Variants in CA13 observed in about 807,000 individuals in gnomAD.
CA13 encodes the protein carbonic anhydrase 13.
In CA13, 21 loss-of-function variants were observed where a neutral mutation model predicts 31.5. That is an observed-to-expected ratio of 0.67 (90% CI 0.47 to 0.96). CA13 has a LOEUF of 0.96. CA13 is among the 40% of genes least tolerant of loss of function. The pLI is 0.00. For missense variants in CA13, 315 were observed against 318.9 expected (o/e 0.99, Z 0.09); for synonymous variants, 117 against 111.4 (o/e 1.05, Z -0.32).
chr8:85,275,153 A>C (rs1006723499), intron 6 of CA13, among the ~76,000 whole-genome samples: 1 of 152,086 alleles, frequency 6.6e-6, no homozygotes, highest in African/African-American at 2.4e-5. Context: ...CTTTTTTGAC[A>C]AGACATAATT....
chr8:85,267,874 C>T, intron 4 of CA13, 28 bp from the exon 5 acceptor site: 1 of 1,415,830 alleles, frequency 7.1e-7, no homozygotes, highest in Non-Finnish European at 9.9e-7. Context: ...CTACAGTAAC[C>T]ATTTCTTTTG....
chr8:85,273,100 G>A (rs373207743), intron 6 of CA13, among the ~76,000 whole-genome samples: 1 of 152,228 alleles, frequency 6.6e-6, no homozygotes, highest in Non-Finnish European at 1.5e-5. Flanking sequence ...TTACAGGCAT[G>A]AGCCACTGTG....
chr8:85,254,795 GTTTT>G (rs1260444655), intron 2 of CA13, among the ~76,000 whole-genome samples: 2 of 90,652 alleles, frequency 2.2e-5, no homozygotes, highest in African/African-American at 8.2e-5. Flanking sequence ...TTTTGGTTTT[GTTTT>G]TTTTTTATTT....
chr8:85,256,448 T>C (rs1807297838), intron 2 of CA13, among the ~76,000 whole-genome samples: 1 of 152,246 alleles, frequency 6.6e-6, no homozygotes, highest in African/African-American at 2.4e-5. Context: ...GATCGTTCTT[T>C]AATTTTCATC....
At chr8:85,277,706 C>G (rs1364071001) in intron 6 of CA13, among the ~76,000 whole-genome samples, 4 of 152,142 alleles carry the variant, frequency 2.6e-5, no homozygotes, top group African/African-American at 9.7e-5. Flanking sequence ...TTAATGAGCG[C>G]CTGGGTGCAG....
intron 6 of CA13, among the ~76,000 whole-genome samples, chr8:85,273,073 CT>C (rs1371084284): frequency 1.3e-5 from 2 of 152,234 alleles, no homozygotes; most frequent in African/African-American, 4.8e-5. Context: ...CCGCCTTGGC[CT>C]CCCAAAATCC....
Position 85,250,908 on chromosome 8 carries a change from T to C in CA13, c.206T>C (p.Val69Ala). 1.2e-6 allele frequency: 2 copies of C among 1,614,082 alleles called. No individual in the cohort carries two copies. Among genetic ancestry groups the C allele is most frequent in the Non-Finnish European group, 1.7e-6 (2 of 1,180,016 alleles). ...AGCAACAGCGGCCATTCCTTCAATGTTGACTTTGATGACACAGAGAACAAA... is the reference window on the plus strand; with the variant it reads ...AGCAACAGCGGCCATTCCTTCAATGCTGACTTTGATGACACAGAGAACAAA... ...IISNSGHSFN[V>A]DFDDTENKSV... Residue 69 changes from valine to alanine, a missense_variant, in exon 2 of 7, where the codon GTT becomes GCT. Coordinates refer to ENST00000321764, the MANE Select transcript of CA13 (RefSeq NM_198584.3).
At chr8:85,262,520 G>A (rs1001052191) in intron 3 of CA13, among the ~76,000 whole-genome samples, 1 of 152,106 alleles carries the variant, frequency 6.6e-6, no homozygotes, top group African/African-American at 2.4e-5. Context: ...GGAGAATGAA[G>A]GGGAGAGTTG....
At chr8:85,274,575 T>C (rs1807574006) in intron 6 of CA13, among the ~76,000 whole-genome samples, 1 of 152,244 alleles carries the variant, frequency 6.6e-6, no homozygotes, top group African/African-American at 2.4e-5. Flanking sequence ...ATTAGCGATA[T>C]TAAACTTACC....
chr8:85,254,565 A>G (rs1359635526), intron 2 of CA13, among the ~76,000 whole-genome samples: 2 of 152,076 alleles, frequency 1.3e-5, no homozygotes, highest in Non-Finnish European at 2.9e-5. Flanking sequence ...TTAAATGAAG[A>G]TCCTTTTCCT....
intron 6 of CA13, among the ~76,000 whole-genome samples, chr8:85,272,928 C>T (rs554469356): frequency 1.4e-4 from 22 of 152,272 alleles, no homozygotes; most frequent in Middle Eastern, 3.4e-3. Flanking sequence ...AGAGATTCTC[C>T]TGCCTCAGCC....
In CA13 at chr8:85,251,218, G is replaced by A. The variant is rs556026501; in HGVS notation, c.235+281G>A. On this transcript the variant is annotated intron_variant, in intron 2 of 6. Transcript: ENST00000321764. ...AGGGTTTCACCATGTTGGCCAGGAT[G>A]GTCTTGATCTCCTGACCTCGTGATC... Among the ~76,000 whole-genome samples the A allele has an allele frequency of 2.6e-5, 4 of 152,100 alleles. No individual in the cohort carries two copies. In the South Asian group the frequency reaches 8.3e-4, roughly 32 times the overall value.
intron 4 of CA13, 148 bp from the exon 5 acceptor site, chr8:85,267,754 A>T (rs1471411593): frequency 2.0e-6 from 1 of 506,306 alleles, no homozygotes; most frequent in African/African-American, 2.0e-5. Context: ...TGGCAGGTAA[A>T]AGAGAAGCTT....
rs759123006 is a variant in CA13 at position 85,245,515 on chromosome 8, A to T, written c.-314A>T. The T allele has an allele frequency of 2.3e-5, 9 of 386,182 alleles. No individual in the cohort carries two copies. The highest frequency in any genetic ancestry group is 3.8e-5 in the Non-Finnish European group (8 of 213,270). 23.9% of individuals were successfully genotyped at this position (386,182 alleles called of 1,614,324 possible). A position where few individuals can be genotyped will look rare whatever the true frequency, so the allele number is the denominator to read the frequency against. On this transcript the variant is annotated 5_prime_UTR_variant, in exon 1 of 7. Coordinates refer to ENST00000321764, the MANE Select transcript of CA13 (RefSeq NM_198584.3). ...TTCCTCTCCCGAGTGACGACTCCTCAGAAGGCAGGAGATCCCCCCCGGAAA... is the reference window on the plus strand; with the variant it reads ...TTCCTCTCCCGAGTGACGACTCCTCTGAAGGCAGGAGATCCCCCCCGGAAA...
intron 2 of CA13, among the ~76,000 whole-genome samples, chr8:85,257,578 G>C (rs1367863963): frequency 2.0e-5 from 3 of 151,282 alleles, no homozygotes; most frequent in South Asian, 2.1e-4. Flanking sequence ...AATACAACTA[G>C]CTGGACGTAG....
rs369594146 is a variant in CA13 at position 85,245,823 on chromosome 8, G to A, written c.-6G>A. 9.0e-5 allele frequency: 146 copies of A among 1,613,984 alleles called. 1 individual carries two copies. The highest frequency in any genetic ancestry group is 1.2e-4 in the Non-Finnish European group (139 of 1,180,000). On this transcript the variant is annotated 5_prime_UTR_variant, in exon 1 of 7. Transcript: ENST00000321764. ...CATCTTTCTCTTCCTTCCACCCCGA[G>A]GGACCATGTCGAGGCTCAGCTGGGG...
In CA13 at chr8:85,259,400, A is replaced by G. The variant is rs892900947; in HGVS notation, c.236-21A>G. The stretch of plus-strand genomic sequence containing the variant: ...TAAATATTTTTTCCTTGCTAACAAT[A>G]TAAAACATGTTGTTGTTTAGTTCTG... On this transcript the variant is annotated intron_variant, in intron 2 of 6. Transcript: ENST00000321764. The G allele has an allele frequency of 3.1e-6, 5 of 1,591,614 alleles. No individual in the cohort carries two copies. The African/African-American group carries it at 4.0e-5, about 13-fold the overall frequency.
chr8:85,280,627 G>T (rs1018712051), intron 6 of CA13, among the ~76,000 whole-genome samples: 1 of 152,108 alleles, frequency 6.6e-6, no homozygotes. Flanking sequence ...TATAATTTTG[G>T]TGCATATTTT....
At chr8:85,255,996 C>T (rs756686335) in intron 2 of CA13, among the ~76,000 whole-genome samples, 2 of 147,366 alleles carry the variant, frequency 1.4e-5, no homozygotes, top group Non-Finnish European at 3.0e-5. Flanking sequence ...TGGTGCCTGG[C>T]ACATGGTAGG....
Sources: gnomAD v4.1 joint callset for allele counts (sites outside exome capture counted in the v4.1 genomes callset) on GRCh38, gnomAD v4.1.1 for gene constraint, MANE v1.5 for transcripts, NCBI Gene and HGNC (gene_info 2026-07-23, HGNC 2026-07-21) for gene names.